Variants in PCDHGA6 observed in about 807,000 individuals in gnomAD.
PCDHGA6 encodes the protein protocadherin gamma subfamily A, 6.
PCDHGA6 carries 41 observed loss-of-function variants against 60.6 expected under a neutral mutation model. The ratio of observed to expected loss-of-function variants is 0.68; its 90% CI spans 0.53 to 0.88. The LOEUF (loss-of-function observed/expected upper bound fraction) is 0.88. Among genes scored for constraint, PCDHGA6 ranks in the 40% least tolerant of loss-of-function variants. The pLI is 0.00. For synonymous variants in PCDHGA6, 594 were observed against 524.4 expected (o/e 1.13, Z -1.81); for missense variants, 1,312 against 1,203.0 (o/e 1.09, Z -1.34).
intron 1 of PCDHGA6, among the ~76,000 whole-genome samples, chr5:141,452,253 T>G (rs2098736880): frequency 6.6e-6 from 1 of 152,166 alleles, no homozygotes; most frequent in Admixed American, 6.5e-5. Context: ...TTGCCATAAC[T>G]CTCTCATTTT....
chr5:141,492,723 C>T (rs896613323), intron 1 of PCDHGA6, among the ~76,000 whole-genome samples: 2 of 152,268 alleles, frequency 1.3e-5, no homozygotes, highest in African/African-American at 4.8e-5. Flanking sequence ...GGCGGACAGG[C>T]AGAGCTGCCC....
intron 1 of PCDHGA6, among the ~76,000 whole-genome samples, chr5:141,381,798 C>CTCTTCCTTTCTT (rs1777449069): frequency 6.9e-6 from 1 of 144,134 alleles, no homozygotes; most frequent in African/African-American, 2.7e-5. Flanking sequence ...AGGCAATTCC[C>CTCTTCCTTTCTT]TCTTTCTTTC....
intron 1 of PCDHGA6, chr5:141,419,577 C>T: frequency 3.7e-6 from 6 of 1,611,732 alleles, no homozygotes; most frequent in Non-Finnish European, 5.1e-6. Flanking sequence ...GACGGCTCCG[C>T]GCTCTTCGAC....
intron 1 of PCDHGA6, chr5:141,404,458 C>A: frequency 6.2e-7 from 1 of 1,612,914 alleles, no homozygotes; most frequent in East Asian, 2.2e-5. Context: ...CTCCTCTCTC[C>A]ACCTATGTCT....
In PCDHGA6 at chr5:141,477,073, G is replaced by A. The variant is rs755445666; in HGVS notation, c.2425-17734G>A. The A allele has an allele frequency of 1.2e-6, 2 of 1,614,264 alleles. No homozygotes were observed. The highest frequency in any genetic ancestry group is 2.2e-5 in the East Asian group (1 of 44,882). On this transcript the variant is annotated intron_variant, in intron 1 of 3. Coordinates refer to ENST00000517434, the MANE Select transcript of PCDHGA6 (RefSeq NM_018919.3). This position sits in a 1 kb window ranked among gnomAD's most constrained non-coding sequence, Gnocchi z 4.9. ...ACTTCGAGGACACCAAACTCCATGA[G>A]ATTTACATCCAGGCCAAAGACAAGG...
rs1429860093 is a variant in PCDHGA6, at chr5:141,487,828, C to A, written c.2425-6979C>A. 3 of 1,184,120 alleles carry A rather than the reference C, an allele frequency of 2.5e-6. No individual in the cohort carries two copies. The highest frequency in any genetic ancestry group is 1.5e-5 in the African/African-American group (1 of 64,540). The allele number at this position is 1,184,120 out of a possible 1,614,324, so 73.4% of individuals were successfully genotyped here. A position where few individuals can be genotyped will look rare whatever the true frequency, so the allele number is the denominator to read the frequency against. ...AGTTTAGCATTGGGGGCGGGTCATG[C>A]CTATATCTGAGTAAGAAATGAAAGT... On this transcript the variant is annotated intron_variant, in intron 1 of 3. Coordinates refer to ENST00000517434, the MANE Select transcript of PCDHGA6 (RefSeq NM_018919.3). The surrounding 1 kb of genome is among the most constrained non-coding windows in gnomAD (Gnocchi z 5.0).
intron 1 of PCDHGA6, chr5:141,399,754 A>G: frequency 6.2e-7 from 1 of 1,613,326 alleles, no homozygotes; most frequent in Non-Finnish European, 8.5e-7. Flanking sequence ...CGCAAACGTG[A>G]GCCTGCGCGT....
In PCDHGA6 at chr5:141,473,538, T is replaced by C. The variant is rs544537855; in HGVS notation, c.2425-21269T>C. Among the ~76,000 whole-genome samples, 58 of 152,328 alleles carry C rather than the reference T, an allele frequency of 3.8e-4. 1 individual carries two copies. Among genetic ancestry groups the C allele is most frequent in the African/African-American group, 1.3e-3 (55 of 41,576 alleles). Reference sequence around the variant, plus strand: ...AAGGATCCTGGTTTTAACTGGGGCCTAATGGAAGACCTCTATTAGGAAATA... The same window carrying C: ...AAGGATCCTGGTTTTAACTGGGGCCCAATGGAAGACCTCTATTAGGAAATA... On this transcript the variant is annotated intron_variant, in intron 1 of 3. Coordinates refer to ENST00000517434, the MANE Select transcript of PCDHGA6 (RefSeq NM_018919.3).
At chr5:141,388,216 A>G (rs1391427454) in intron 1 of PCDHGA6, 1 of 1,598,862 alleles carries the variant, frequency 6.3e-7, no homozygotes, top group African/African-American at 1.4e-5. Flanking sequence ...GCTGTTGCTG[A>G]AAATCCACTG....
Position 141,399,437 on chromosome 5 carries a change from A to T in PCDHGA6, c.2424+22930A>T, listed in dbSNP as rs780100815. The stretch of plus-strand genomic sequence containing the variant: ...TCCTCCAGCATAAGCGTCATCCTAC[A>T]TATCAGAGACGTCAACGATAACGCT... On this transcript the variant is annotated intron_variant, in intron 1 of 3. Coordinates refer to ENST00000517434, the MANE Select transcript of PCDHGA6 (RefSeq NM_018919.3). 22 of 1,613,998 alleles carry T rather than the reference A, an allele frequency of 1.4e-5. No individual in the cohort carries two copies. The South Asian group carries it at 2.2e-4, about 16-fold the overall frequency.
At chr5:141,395,067 A>G (rs1200049263) in intron 1 of PCDHGA6, 4 of 1,613,888 alleles carry the variant, frequency 2.5e-6, no homozygotes, top group South Asian at 1.1e-5. Context: ...TTTCCTGCAG[A>G]CCTATTCCCA....
At chr5:141,449,101 G>A (rs1020443363) in intron 1 of PCDHGA6, among the ~76,000 whole-genome samples, 2 of 152,144 alleles carry the variant, frequency 1.3e-5, no homozygotes, top group African/African-American at 2.4e-5. Flanking sequence ...TACATATGCA[G>A]TATATCTTTG....
intron 1 of PCDHGA6, chr5:141,418,015 G>C: frequency 6.2e-7 from 1 of 1,613,964 alleles, no homozygotes; most frequent in Non-Finnish European, 8.5e-7. Context: ...ACCTCGCTAA[G>C]GATCTAGGGC....
intron 1 of PCDHGA6, chr5:141,383,142 C>A (rs1778858149): frequency 1.2e-6 from 2 of 1,614,006 alleles, no homozygotes; most frequent in Admixed American, 3.3e-5. Flanking sequence ...ACCAGCGCAG[C>A]GGCAGCTTGG....
At chr5:141,453,351 C>T (rs1210851703) in intron 1 of PCDHGA6, among the ~76,000 whole-genome samples, 3 of 151,738 alleles carry the variant, frequency 2.0e-5, no homozygotes, top group African/African-American at 7.3e-5. Context: ...CCAGGCTGAC[C>T]CTGAACTCCT....
In PCDHGA6 at chr5:141,409,398, A is replaced by G. The variant is rs186373896; in HGVS notation, c.2424+32891A>G. On this transcript the variant is annotated intron_variant, in intron 1 of 3. Transcript: ENST00000517434. Reference sequence around the variant, plus strand: ...CCATTCAAGATTTATTCTTCTTCCAATAACTACTACAAACTGGTGACAGAT... The same window carrying G: ...CCATTCAAGATTTATTCTTCTTCCAGTAACTACTACAAACTGGTGACAGAT... 9.6e-5 allele frequency: 155 copies of G among 1,614,050 alleles called. No individual in the cohort carries two copies. In the African/African-American group the frequency reaches 1.5e-3, roughly 16 times the overall value.
chr5:141,399,221 T>C (rs564668507), intron 1 of PCDHGA6: 1 of 1,613,960 alleles, frequency 6.2e-7, no homozygotes, highest in Non-Finnish European at 8.5e-7. Flanking sequence ...ATTGCTTTGA[T>C]CAAAATACAT....
chr5:141,503,209 C>T (rs963237902), intron 2 of PCDHGA6, among the ~76,000 whole-genome samples: 3 of 152,020 alleles, frequency 2.0e-5, no homozygotes, highest in African/African-American at 7.3e-5. Context: ...TCTCAGTGCC[C>T]ACCATGAGCA....
At chr5:141,453,811 A>G (rs541081089) in intron 1 of PCDHGA6, among the ~76,000 whole-genome samples, 1 of 152,350 alleles carries the variant, frequency 6.6e-6, no homozygotes, top group Admixed American at 6.5e-5. Context: ...AGTTCCATAA[A>G]GGACAAACTT....
Sources: allele counts gnomAD v4.1 joint callset (sites outside exome capture counted in the v4.1 genomes callset), GRCh38; gene constraint gnomAD v4.1.1; non-coding constraint Gnocchi (gnomAD v3.1); transcripts MANE v1.5; gene names NCBI Gene and HGNC (gene_info 2026-07-23, HGNC 2026-07-21).